Variants in CLYBL observed in about 807,000 individuals in gnomAD.
CLYBL encodes the protein citramalyl-CoA lyase, mitochondrial.
A neutral mutation model predicts 38.9 loss-of-function variants in CLYBL; 31 were observed. The observed-to-expected ratio is 0.80, with a 90% confidence interval of 0.60 to 1.08. The LOEUF is 1.08. CLYBL is among the 50% of genes least tolerant of loss of function. The pLI is 0.00. For synonymous variants in CLYBL, 171 were observed against 158.6 expected (o/e 1.08, Z -0.59); for missense variants, 434 against 411.6 (o/e 1.05, Z -0.47).
intron 1 of CLYBL, among the ~76,000 whole-genome samples, chr13:99,733,809 G>C (rs1004386579): frequency 5.3e-5 from 8 of 152,208 alleles, no homozygotes; most frequent in Non-Finnish European, 1.0e-4. Context: ...TGAAAGGTGG[G>C]GAGCAGTGCA....
At chr13:99,805,233 C>T (rs566063744) in intron 2 of CLYBL, among the ~76,000 whole-genome samples, 1 of 152,096 alleles carries the variant, frequency 6.6e-6, no homozygotes, top group South Asian at 2.1e-4. Context: ...TGGGTGTACA[C>T]GTGTCTGTTC....
At chr13:99,758,625 G>C (rs145951967) in intron 1 of CLYBL, among the ~76,000 whole-genome samples, 1 of 152,166 alleles carries the variant, frequency 6.6e-6, no homozygotes, top group Non-Finnish European at 1.5e-5. Flanking sequence ...GGAGGGAGGC[G>C]TGGTAAAGCC....
chr13:99,845,489 GAA>G (rs1232904760), intron 2 of CLYBL, among the ~76,000 whole-genome samples: 2 of 152,248 alleles, frequency 1.3e-5, no homozygotes, highest in African/African-American at 2.4e-5. Context: ...TGAAGCTGCG[GAA>G]AAAGTCAATG....
intron 1 of CLYBL, among the ~76,000 whole-genome samples, chr13:99,629,990 T>G (rs2046920812): frequency 6.6e-6 from 1 of 152,176 alleles, no homozygotes; most frequent in African/African-American, 2.4e-5. Context: ...TCAGTTGTGT[T>G]GTCGAAGAGG....
intron 2 of CLYBL, among the ~76,000 whole-genome samples, chr13:99,812,703 G>A (rs2050366227): frequency 6.6e-6 from 1 of 152,190 alleles, no homozygotes; most frequent in Non-Finnish European, 1.5e-5. Flanking sequence ...GCGTAATCAC[G>A]TGCTGGACCC....
chr13:99,875,466 C>T (rs183291935), intron 7 of CLYBL, among the ~76,000 whole-genome samples: 9 of 152,294 alleles, frequency 5.9e-5, no homozygotes, highest in South Asian at 2.1e-4. Flanking sequence ...GATTGCTGCT[C>T]GCACACCTTT....
chr13:99,761,697 C>G (rs1020735334), intron 1 of CLYBL, among the ~76,000 whole-genome samples: 2 of 152,152 alleles, frequency 1.3e-5, no homozygotes, highest in African/African-American at 2.4e-5. Context: ...AGTAGAATTG[C>G]TGGATCACAG....
chr13:99,740,621 C>T (rs2048737875), intron 1 of CLYBL, among the ~76,000 whole-genome samples: 1 of 152,200 alleles, frequency 6.6e-6, no homozygotes. Flanking sequence ...CATATTATGA[C>T]TTAACGAGCT....
At chr13:99,697,175 T>G (rs2047992517) in intron 1 of CLYBL, among the ~76,000 whole-genome samples, 1 of 152,244 alleles carries the variant, frequency 6.6e-6, no homozygotes, top group African/African-American at 2.4e-5. Context: ...TGTAGCACTC[T>G]GCTTTCCTCA....
chr13:99,801,255 T>C (rs2050131261), intron 2 of CLYBL, among the ~76,000 whole-genome samples: 2 of 152,234 alleles, frequency 1.3e-5, no homozygotes. Flanking sequence ...CTTAATGTTT[T>C]CCCTTTTCCC....
At chr13:99,630,591 A>T (rs1399369753) in intron 1 of CLYBL, among the ~76,000 whole-genome samples, 1 of 152,114 alleles carries the variant, frequency 6.6e-6, no homozygotes, top group South Asian at 2.1e-4. Flanking sequence ...TAGTATAAAG[A>T]CATATTATTT....
intron 1 of CLYBL, among the ~76,000 whole-genome samples, chr13:99,649,465 G>A (rs2047220331): frequency 6.6e-6 from 1 of 152,174 alleles, no homozygotes; most frequent in Non-Finnish European, 1.5e-5. Context: ...AGTTAAGTAG[G>A]TGTACCTTTG....
chr13:99,690,805 C>G (rs1173873172), intron 1 of CLYBL: 4 of 152,198 alleles, frequency 2.6e-5, no homozygotes, highest in African/African-American at 9.7e-5. Flanking sequence ...TTTAAAAAAT[C>G]ATTAATCACA....
At chr13:99,768,192 C>CTTTTTTTTTTTTTT (rs58499426) in intron 1 of CLYBL, among the ~76,000 whole-genome samples, 12 of 102,670 alleles carry the variant, frequency 1.2e-4, no homozygotes, top group African/African-American at 1.5e-4. Context: ...TTTTCTTTTT[C>CTTTTTTTTTTTTTT]TTTTTTTTTT....
At chr13:99,671,073 A>G (rs944349399) in intron 1 of CLYBL, among the ~76,000 whole-genome samples, 3 of 152,110 alleles carry the variant, frequency 2.0e-5, no homozygotes, top group Admixed American at 6.5e-5. Context: ...TGCCTGCGGT[A>G]TACAGCGAGC....
chr13:99,652,457 C>T (rs2047268944), intron 1 of CLYBL, among the ~76,000 whole-genome samples: 1 of 152,144 alleles, frequency 6.6e-6, no homozygotes, highest in Non-Finnish European at 1.5e-5. Flanking sequence ...CCTGTAATCC[C>T]AGCACTTTGG....
At chr13:99,699,659 C>T (rs1566613605) in intron 1 of CLYBL, among the ~76,000 whole-genome samples, 2 of 150,906 alleles carry the variant, frequency 1.3e-5, no homozygotes, top group Non-Finnish European at 2.9e-5. Flanking sequence ...CGCCACCGTA[C>T]TCCAGCCTGG....
intron 1 of CLYBL, among the ~76,000 whole-genome samples, chr13:99,713,166 TTCTTGAAGATCTC>T (rs1357503746): frequency 6.6e-6 from 1 of 152,054 alleles, no homozygotes; most frequent in Non-Finnish European, 1.5e-5. Context: ...GAAAATCTCT[TTCTTGAAGATCTC>T]TCTTGAAGAT....
intron 1 of CLYBL, among the ~76,000 whole-genome samples, chr13:99,670,030 TAAAAA>T (rs34452564): frequency 0.013 from 1,923 of 148,464 alleles, 39 homozygotes; most frequent in African/African-American, 0.045. Context: ...CCGTCTCTAT[TAAAAA>T]AAAAAAAATG....
Sources: allele counts gnomAD v4.1 joint callset (sites outside exome capture counted in the v4.1 genomes callset), GRCh38; gene constraint gnomAD v4.1.1; transcripts MANE v1.5; gene names NCBI Gene and HGNC (gene_info 2026-07-23, HGNC 2026-07-21).